Variants in PRR5L observed in about 807,000 individuals in gnomAD.
The protein encoded by PRR5L is proline-rich protein 5-like.
In PRR5L, 21 loss-of-function variants were observed where a neutral mutation model predicts 36.4. That is an observed-to-expected ratio of 0.58 (90% CI 0.41 to 0.83). The LOEUF (loss-of-function observed/expected upper bound fraction) is 0.83, where lower values mean the gene tolerates loss of function less well. Among genes scored for constraint, PRR5L ranks in the 40% least tolerant of loss-of-function variants. The pLI is 0.00. For synonymous variants in PRR5L, 188 were observed against 197.0 expected (o/e 0.95, Z 0.38); for missense variants, 381 against 473.3 (o/e 0.80, Z 1.81).
intron 1 of PRR5L, among the ~76,000 whole-genome samples, chr11:36,305,177 G>A (rs559046244): frequency 2.6e-5 from 4 of 152,226 alleles, no homozygotes; most frequent in South Asian, 4.1e-4. Flanking sequence ...TTCACACACA[G>A]GAATATTATG....
chr11:36,413,790 C>T (rs1051650378), intron 3 of PRR5L, among the ~76,000 whole-genome samples: 16 of 150,264 alleles, frequency 1.1e-4, no homozygotes, highest in African/African-American at 3.9e-4. Flanking sequence ...TATACATGTG[C>T]CATGCTGGTG....
intron 1 of PRR5L, among the ~76,000 whole-genome samples, chr11:36,311,054 C>T (rs1856497305): frequency 6.6e-6 from 1 of 151,182 alleles, no homozygotes; most frequent in Admixed American, 6.6e-5. Context: ...ATTTTCTGGC[C>T]TTCCATGTGC....
chr11:36,379,955 C>T (rs997235879), intron 1 of PRR5L, among the ~76,000 whole-genome samples: 14 of 152,118 alleles, frequency 9.2e-5, no homozygotes, highest in African/African-American at 3.4e-4. Flanking sequence ...AACAGAGGCT[C>T]AGAGAGGGTT....
At chr11:36,447,144 G>A (rs759023250) in intron 7 of PRR5L, among the ~76,000 whole-genome samples, 23 of 152,170 alleles carry the variant, frequency 1.5e-4, no homozygotes, top group Non-Finnish European at 2.8e-4. Flanking sequence ...GCTATGTGCC[G>A]GGCACAGGCC....
chr11:36,343,782 T>C (rs1344155223), intron 1 of PRR5L, among the ~76,000 whole-genome samples: 4 of 152,206 alleles, frequency 2.6e-5, no homozygotes, highest in African/African-American at 9.6e-5. Context: ...CTCCACTTAC[T>C]GTTGAGGAAA....
intron 1 of PRR5L, among the ~76,000 whole-genome samples, chr11:36,392,445 A>T (rs1791753620): frequency 6.6e-6 from 1 of 152,186 alleles, no homozygotes; most frequent in South Asian, 2.1e-4. Flanking sequence ...CAGTATATGA[A>T]GGTTCCCTTT....
intron 1 of PRR5L, among the ~76,000 whole-genome samples, chr11:36,337,212 T>A (rs559225415): frequency 6.6e-6 from 1 of 152,218 alleles, no homozygotes; most frequent in Admixed American, 6.5e-5. Flanking sequence ...GCAATAGTAT[T>A]AAGAAGGAGG....
chr11:36,338,893 C>T (rs1456429226), intron 1 of PRR5L, among the ~76,000 whole-genome samples: 2 of 152,190 alleles, frequency 1.3e-5, no homozygotes, highest in African/African-American at 4.8e-5. Context: ...TGGGAGGGAC[C>T]TAATGGGAGG....
chr11:36,457,226 T>A (rs532819440), intron 8 of PRR5L, among the ~76,000 whole-genome samples: 3 of 152,336 alleles, frequency 2.0e-5, no homozygotes, highest in South Asian at 2.1e-4. Context: ...TTCTTCCAAG[T>A]TTCAGCCATG....
intron 1 of PRR5L, among the ~76,000 whole-genome samples, chr11:36,371,127 C>G (rs987738126): frequency 6.6e-6 from 1 of 152,136 alleles, no homozygotes; most frequent in African/African-American, 2.4e-5. Flanking sequence ...CCATTGCTAA[C>G]AAGAGAAGGA....
chr11:36,453,293 T>A (rs1236164292), intron 8 of PRR5L, among the ~76,000 whole-genome samples: 1 of 152,238 alleles, frequency 6.6e-6, no homozygotes, highest in East Asian at 1.9e-4. Context: ...TCATAAATCC[T>A]TATGCCCAAG....
chr11:36,382,908 A>C (rs1175274269), intron 1 of PRR5L, among the ~76,000 whole-genome samples: 4 of 152,180 alleles, frequency 2.6e-5, no homozygotes, highest in African/African-American at 9.7e-5. Context: ...GGGCCCAGTG[A>C]ATGAAAATGA....
intron 1 of PRR5L, among the ~76,000 whole-genome samples, chr11:36,374,540 TA>T (rs773052830): frequency 2.6e-5 from 4 of 151,882 alleles, no homozygotes; most frequent in Non-Finnish European, 4.4e-5. Flanking sequence ...CTTATTGAAA[TA>T]AAACTTGAAG....
chr11:36,359,147 C>A (rs370153277), intron 1 of PRR5L, among the ~76,000 whole-genome samples: 1 of 152,206 alleles, frequency 6.6e-6, no homozygotes, highest in Non-Finnish European at 1.5e-5. Context: ...CACTTCATGT[C>A]GCTGAGCCTC....
intron 1 of PRR5L, among the ~76,000 whole-genome samples, chr11:36,345,370 T>G (rs968446464): frequency 6.6e-6 from 1 of 152,024 alleles, no homozygotes; most frequent in Non-Finnish European, 1.5e-5. Flanking sequence ...ATAGGGAACA[T>G]GATTGCAGTG....
chr11:36,360,130 G>A (rs1857071726), intron 1 of PRR5L, among the ~76,000 whole-genome samples: 1 of 151,116 alleles, frequency 6.6e-6, no homozygotes, highest in African/African-American at 2.4e-5. Flanking sequence ...TTCTTTATTA[G>A]CTAAATTCAT....
intron 1 of PRR5L, among the ~76,000 whole-genome samples, chr11:36,361,670 C>A (rs1304815705): frequency 1.3e-5 from 2 of 152,092 alleles, no homozygotes; most frequent in African/African-American, 2.4e-5. Flanking sequence ...TTTATGTGGG[C>A]AAATCAATGT....
chr11:36,405,426 G>A (rs1359942402), intron 3 of PRR5L, among the ~76,000 whole-genome samples: 2 of 152,204 alleles, frequency 1.3e-5, no homozygotes, highest in East Asian at 1.9e-4. Context: ...TGGCCAAGAA[G>A]CTGCCCTTTT....
intron 1 of PRR5L, among the ~76,000 whole-genome samples, chr11:36,397,915 C>T (rs897522596): frequency 6.6e-5 from 10 of 152,108 alleles, no homozygotes; most frequent in Non-Finnish European, 1.3e-4. Context: ...CCTGCCTCAG[C>T]CCCCCGAGTC....
Sources: gnomAD v4.1 joint callset for allele counts (sites outside exome capture counted in the v4.1 genomes callset) on GRCh38, gnomAD v4.1.1 for gene constraint, MANE v1.5 for transcripts, NCBI Gene and HGNC (gene_info 2026-07-23, HGNC 2026-07-21) for gene names.